ZNF148: variants seen among roughly 807,000 people sequenced by gnomAD.
ZNF148 encodes the protein Beta-Enolase Repressor Factor-1.
Under a neutral mutation model 67.7 loss-of-function variants are expected in ZNF148, and 7 were observed. The observed-to-expected ratio is 0.10, with a 90% CI of 0.06 to 0.19. The LOEUF is 0.19. Among genes scored for constraint, ZNF148 ranks in the 10% least tolerant of loss-of-function variants. The pLI, the probability that ZNF148 is intolerant of heterozygous loss-of-function variation, is 1.00. For missense variants in ZNF148, 583 were observed against 947.1 expected, an observed-to-expected ratio of 0.62 and a Z score of 5.05; for synonymous variants, 333 against 330.7, an observed-to-expected ratio of 1.01 and a Z score of -0.08.
At chr3:125,241,034 A>G (rs72971782) in intron 7 of ZNF148, among the ~76,000 whole-genome samples, 10,391 of 151,344 alleles carry the variant, frequency 0.069, 1,191 homozygotes, top group African/African-American at 0.24. Flanking sequence ...TTACTGTACC[A>G]TCTTTTTTCA....
At chr3:125,313,699 T>C in intron 3 of ZNF148, 43 bp from the exon 4 acceptor site, 1 of 1,412,384 alleles carries the variant, frequency 7.1e-7, no homozygotes, top group Middle Eastern at 1.8e-4. Flanking sequence ...AAATTAGTTT[T>C]ATATGACTAC....
intron 1 of ZNF148, among the ~76,000 whole-genome samples, chr3:125,354,526 T>C (rs958723946): frequency 5.3e-5 from 8 of 152,242 alleles, no homozygotes; most frequent in Non-Finnish European, 1.2e-4. Flanking sequence ...CCCAATTACA[T>C]TTCACCTGAA....
intron 4 of ZNF148, chr3:125,311,133 A>G: frequency 5.3e-6 from 1 of 188,086 alleles, no homozygotes; most frequent in Non-Finnish European, 1.2e-5. Flanking sequence ...GAGTAGCTCC[A>G]TGGTTTGGAT....
intron 4 of ZNF148, among the ~76,000 whole-genome samples, chr3:125,310,642 T>C (rs1331377463): frequency 2.0e-5 from 3 of 151,052 alleles, no homozygotes; most frequent in South Asian, 2.1e-4. Flanking sequence ...AAATAGGAAA[T>C]AGAGGGAAAA....
rs1248713206 is a variant in ZNF148, at chr3:125,225,685, TTTTTA to T, written c.*6651_*6655del. ...ACACATTAATTCAAGTGACTTCAAT[TTTTTA>T]TTTTTTCTTATAATCTTTAGAAGAT... On this transcript the variant is annotated 3_prime_UTR_variant, in exon 9 of 9. Transcript: ENST00000360647. 6.6e-6 allele frequency: 1 copy of T among 152,214 alleles called. No homozygotes were observed. Among genetic ancestry groups the T allele is most frequent in the Non-Finnish European group, 1.5e-5 (1 of 68,048 alleles). 9.4% of individuals were successfully genotyped at this position (152,214 alleles called of 1,614,324 possible).
chr3:125,240,216 G>A (rs765427577), intron 7 of ZNF148, among the ~76,000 whole-genome samples: 4 of 152,112 alleles, frequency 2.6e-5, no homozygotes, highest in South Asian at 4.1e-4. Context: ...GGAGAAAGCC[G>A]AGTGCAGCGC....
At chr3:125,330,191 G>A (rs925524968) in intron 2 of ZNF148, among the ~76,000 whole-genome samples, 5 of 152,160 alleles carry the variant, frequency 3.3e-5, no homozygotes, top group Non-Finnish European at 7.3e-5. Flanking sequence ...CAGGCTGAGC[G>A]CAGTGGCTCA....
At chr3:125,301,992 G>T (rs1939612295) in intron 4 of ZNF148, among the ~76,000 whole-genome samples, 1 of 152,104 alleles carries the variant, frequency 6.6e-6, no homozygotes, top group Non-Finnish European at 1.5e-5. Context: ...TTGAACCCAG[G>T]AGGTGGAGGT....
At position 125,270,994 on chromosome 3, in the gene ZNF148, C is replaced by T. The variant is rs12485955; in HGVS notation, c.667+6732G>A. 2.5e-3 allele frequency among the ~76,000 whole-genome samples: 387 copies of T among 152,160 alleles called. 9 individuals carry two copies. Among genetic ancestry groups the T allele is most frequent in the Admixed American group, 0.023 (344 of 15,272 alleles). ...CATTTGTTTTAAAAAAATTTAAATA[C>T]CTAAATTTGATTAATACATTTGTAA... On this transcript the variant is annotated intron_variant, in intron 7 of 8. Transcript: ENST00000360647.
intron 1 of ZNF148, among the ~76,000 whole-genome samples, chr3:125,337,874 A>G (rs902162256): frequency 1.3e-5 from 2 of 152,070 alleles, no homozygotes; most frequent in Non-Finnish European, 2.9e-5. Flanking sequence ...GGCCAAGGTG[A>G]GAGGATCACT....
At chr3:125,317,270 T>G (rs894841776) in intron 3 of ZNF148, among the ~76,000 whole-genome samples, 12 of 152,118 alleles carry the variant, frequency 7.9e-5, no homozygotes, top group African/African-American at 2.9e-4. Context: ...CCAATATCAA[T>G]GGACACAAGG....
At chr3:125,355,650 G>A (rs1942314104) in intron 1 of ZNF148, among the ~76,000 whole-genome samples, 1 of 152,060 alleles carries the variant, frequency 6.6e-6, no homozygotes, top group Non-Finnish European at 1.5e-5. Context: ...ACTTTGGGAG[G>A]CCGAGGCAGG....
intron 1 of ZNF148, among the ~76,000 whole-genome samples, chr3:125,331,719 A>G (rs1435221678): frequency 6.6e-6 from 1 of 152,172 alleles, no homozygotes; most frequent in Non-Finnish European, 1.5e-5. Flanking sequence ...CAGCATTTTA[A>G]AAGTTCAAAG....
chr3:125,335,516 T>G (rs1941455224), intron 1 of ZNF148, among the ~76,000 whole-genome samples: 1 of 152,184 alleles, frequency 6.6e-6, no homozygotes, highest in East Asian at 1.9e-4. Flanking sequence ...AATAAAGAGA[T>G]TCAACCTATT....
At chr3:125,363,683 G>C (rs1328802090) in intron 1 of ZNF148, among the ~76,000 whole-genome samples, 1 of 150,202 alleles carries the variant, frequency 6.7e-6, no homozygotes, top group African/African-American at 2.5e-5. Context: ...TTGAGACAGG[G>C]TCTCCCTCTG....
chr3:125,354,129 TAA>T (rs1464004424), intron 1 of ZNF148, among the ~76,000 whole-genome samples: 3 of 152,148 alleles, frequency 2.0e-5, no homozygotes, highest in Non-Finnish European at 4.4e-5. Context: ...ATATGCATTT[TAA>T]GTTTTTTCTA....
At chr3:125,318,027 A>C (rs563894979) in intron 3 of ZNF148, among the ~76,000 whole-genome samples, 1 of 152,076 alleles carries the variant, frequency 6.6e-6, no homozygotes, top group Non-Finnish European at 1.5e-5. Context: ...CCATGGAAAA[A>C]GGGAATAGGA....
At chr3:125,347,114 G>C (rs1579865708) in intron 1 of ZNF148, among the ~76,000 whole-genome samples, 1 of 152,042 alleles carries the variant, frequency 6.6e-6, no homozygotes, top group African/African-American at 2.4e-5. Context: ...AAAAAATAAA[G>C]TACTTGGTAA....
At chr3:125,362,552 TTTTG>T (rs1422211375) in intron 1 of ZNF148, among the ~76,000 whole-genome samples, 1 of 134,342 alleles carries the variant, frequency 7.4e-6, no homozygotes, top group Non-Finnish European at 1.7e-5. Context: ...CTTTTTTTGT[TTTTG>T]TTTTTGTTTT....
Sources: allele counts gnomAD v4.1 joint callset (sites outside exome capture counted in the v4.1 genomes callset), GRCh38; gene constraint gnomAD v4.1.1; transcripts MANE v1.5; gene names NCBI Gene and HGNC (gene_info 2026-07-23, HGNC 2026-07-21).